TNIK: variants seen among roughly 807,000 people sequenced by gnomAD.
TNIK encodes TRAF2 and NCK-interacting protein kinase.
Under a neutral mutation model 191.3 loss-of-function variants are expected in TNIK, and 49 were observed. The ratio of observed to expected loss-of-function variants is 0.26; its 90% CI spans 0.20 to 0.32. The LOEUF (loss-of-function observed/expected upper bound fraction) is 0.32. TNIK is among the 10% of genes least tolerant of loss of function. TNIK has a pLI of 1.00. For missense variants in TNIK, 1,155 were observed against 1,702.3 expected, an observed-to-expected ratio of 0.68 and a Z score of 5.66; for synonymous variants, 594 against 600.9, an observed-to-expected ratio of 0.99 and a Z score of 0.17.
chr3:171,408,722 A>T (rs1722024881), intron 1 of TNIK, among the ~76,000 whole-genome samples: 1 of 152,100 alleles, frequency 6.6e-6, no homozygotes, highest in Non-Finnish European at 1.5e-5. Context: ...CAGACATACA[A>T]CACAAACCAC....
intron 1 of TNIK, among the ~76,000 whole-genome samples, chr3:171,407,330 T>C (rs1033168459): frequency 6.6e-6 from 1 of 152,224 alleles, no homozygotes; most frequent in Non-Finnish European, 1.5e-5. Context: ...CCTTCAGTGA[T>C]GGTAAGATTC....
Position 171,400,933 on chromosome 3 carries a change from C to T in TNIK, c.58-31248G>A, listed in dbSNP as rs16856289. ...CAGAATAACAAAGTGGTGTGTATAC[C>T]TGAGTGATGTTATAATCTTTCTTTA... On this transcript the variant is annotated intron_variant, in intron 1 of 32. Coordinates refer to ENST00000436636, the MANE Select transcript of TNIK (RefSeq NM_015028.4). Among the ~76,000 whole-genome samples, 1,140 of 152,240 alleles carry T rather than the reference C, an allele frequency of 7.5e-3. 14 individuals are homozygous for T. Among genetic ancestry groups the T allele is most frequent in the African/African-American group, 0.025 (1,030 of 41,528 alleles).
At chr3:171,069,207 C>A (rs577461946) in intron 29 of TNIK, among the ~76,000 whole-genome samples, 1 of 152,254 alleles carries the variant, frequency 6.6e-6, no homozygotes, top group East Asian at 1.9e-4. Flanking sequence ...CTTTGTCCTT[C>A]GGGGCAGTGA....
At chr3:171,336,243 C>A (rs1337717024) in intron 2 of TNIK, among the ~76,000 whole-genome samples, 2 of 152,184 alleles carry the variant, frequency 1.3e-5, no homozygotes, top group Non-Finnish European at 1.5e-5. Flanking sequence ...GAATTACACA[C>A]TTCCTTTACT....
In TNIK at chr3:171,066,648, C is replaced by A. The variant is rs1431133517; in HGVS notation, c.3787G>T (p.Val1263Leu). The A allele has an allele frequency of 6.2e-7, 1 of 1,613,806 alleles. No individual in the cohort carries two copies. Among genetic ancestry groups the A allele is most frequent in the East Asian group, 2.2e-5 (1 of 44,858 alleles). The change falls in exon 31 of 33, where the codon GTG becomes TTG. Residue 1263 changes from valine (V) to leucine (L), a missense_variant. This residue lies in a region of TNIK where 195 missense variants were observed against 415.4 expected (regional missense o/e 0.47). Coordinates refer to ENST00000436636, the MANE Select transcript of TNIK (RefSeq NM_015028.4). ...EMLVCYEDEG[V>L]YVNTYGRITK... The stretch of plus-strand genomic sequence containing the variant: ...ATCCGGCCATAGGTGTTTACATACA[C>A]CCCCTCATCCTCATAGCAAACAAGC...
intron 2 of TNIK, among the ~76,000 whole-genome samples, chr3:171,235,038 C>CATTT (rs904486575): frequency 5.9e-5 from 9 of 152,008 alleles, no homozygotes; most frequent in Non-Finnish European, 4.4e-5. Flanking sequence ...TTTATTTATT[C>CATTT]ATTTATTTAT....
At chr3:171,157,370 C>G in intron 12 of TNIK, 90 bp downstream of exon 12, 1 of 1,463,058 alleles carries the variant, frequency 6.8e-7, no homozygotes, top group Non-Finnish European at 9.2e-7. Context: ...TCTGTGTGCT[C>G]ACAGGTGGGA....
intron 9 of TNIK, among the ~76,000 whole-genome samples, chr3:171,168,324 T>C (rs773527071): frequency 6.6e-6 from 1 of 152,200 alleles, no homozygotes; most frequent in Non-Finnish European, 1.5e-5. Context: ...TGATCTGTTT[T>C]GTGCTCTCTG....
At chr3:171,459,923 C>A in intron 1 of TNIK, 84 bp downstream of exon 1, 2 of 1,368,538 alleles carry the variant, frequency 1.5e-6, no homozygotes, top group East Asian at 2.6e-5. Context: ...TCCCCCTGCC[C>A]CAGCCCCAGC....
At chr3:171,099,454 C>G (rs189179906) in intron 22 of TNIK, among the ~76,000 whole-genome samples, 43 of 151,778 alleles carry the variant, frequency 2.8e-4, no homozygotes, top group African/African-American at 1.0e-3. Context: ...CTTGCAATTT[C>G]AAATTCAGTG....
At chr3:171,072,870 T>C (rs940467579) in intron 28 of TNIK, among the ~76,000 whole-genome samples, 1 of 151,544 alleles carries the variant, frequency 6.6e-6, no homozygotes, top group African/African-American at 2.4e-5. Context: ...ACCAAGAAGG[T>C]GAAAGACCCC....
intron 1 of TNIK, among the ~76,000 whole-genome samples, chr3:171,409,026 T>C (rs1722067686): frequency 1.3e-5 from 2 of 152,092 alleles, no homozygotes; most frequent in South Asian, 2.1e-4. Context: ...GGGACACTAA[T>C]ATAAAAGTGT....
intron 1 of TNIK, among the ~76,000 whole-genome samples, chr3:171,407,691 T>C (rs2108593713): frequency 6.6e-6 from 1 of 152,330 alleles, no homozygotes; most frequent in South Asian, 2.1e-4. Flanking sequence ...TTAAATTTAA[T>C]CTAACAAGTA....
At chr3:171,104,454 T>TATTTGAGAATATATAGCTAAA (rs1560115604) in intron 21 of TNIK, among the ~76,000 whole-genome samples, 1 of 147,172 alleles carries the variant, frequency 6.8e-6, no homozygotes, top group Non-Finnish European at 1.5e-5. Flanking sequence ...AGCATGAAAA[T>TATTTGAGAATATATAGCTAAA]ATTTGAGAAT....
chr3:171,289,901 CAA>C (rs143704401), intron 2 of TNIK, among the ~76,000 whole-genome samples: 42 of 77,870 alleles, frequency 5.4e-4, no homozygotes, highest in East Asian at 4.7e-4. Context: ...GACTCCGTCT[CAA>C]AAAAAAAAAA....
Position 171,376,746 on chromosome 3 carries a change from T to TGATAGATAGATA in TNIK, c.58-7073_58-7062dup, listed in dbSNP as rs3084308. Among the ~76,000 whole-genome samples the TGATAGATAGATA allele has an allele frequency of 1.9e-3, 286 of 148,782 alleles. 1 individual carries two copies. The Middle Eastern group carries it at 0.021, about 11-fold the overall frequency. ...AAATATATACAGATAGATAGATAGATGATAGATAGATAGATAGATAGATAG... is the reference window on the plus strand; with the variant it reads ...AAATATATACAGATAGATAGATAGATGATAGATAGATAGATAGATAGATAGATAGATAGATAG... On this transcript the variant is annotated intron_variant, in intron 1 of 32. Transcript: ENST00000436636.
At chr3:171,133,349 C>T (rs376632165) in intron 15 of TNIK, among the ~76,000 whole-genome samples, 7 of 152,128 alleles carry the variant, frequency 4.6e-5, no homozygotes, top group Non-Finnish European at 1.0e-4. Context: ...AGATAGGCGA[C>T]GCCAGTGAAT....
intron 28 of TNIK, among the ~76,000 whole-genome samples, chr3:171,075,436 T>C (rs1388979339): frequency 6.6e-6 from 1 of 152,214 alleles, no homozygotes; most frequent in Non-Finnish European, 1.5e-5. Flanking sequence ...AAGAAAAAAT[T>C]AGAATTCCAG....
intron 21 of TNIK, among the ~76,000 whole-genome samples, chr3:171,104,577 A>C (rs541072949): frequency 1.2e-3 from 188 of 151,486 alleles, no homozygotes; most frequent in South Asian, 2.1e-3. Flanking sequence ...ATAATTTTTC[A>C]TTCAACAAAG....
Sources: allele counts gnomAD v4.1 joint callset (sites outside exome capture counted in the v4.1 genomes callset), GRCh38; gene constraint gnomAD v4.1.1; regional missense constraint gnomAD v4.1.1; transcripts MANE v1.5; gene names NCBI Gene and HGNC (gene_info 2026-07-23, HGNC 2026-07-21).